Variants in GRIA3 observed in about 807,000 individuals in gnomAD.
The protein encoded by GRIA3 is glutamate receptor 3.
In GRIA3, 3 loss-of-function variants were observed where a neutral mutation model predicts 63.0. The ratio of observed to expected loss-of-function variants is 0.05; its 90% CI spans 0.02 to 0.12. The LOEUF (loss-of-function observed/expected upper bound fraction) is 0.12. Among genes scored for constraint, GRIA3 ranks in the 10% least tolerant of loss-of-function variants. The pLI, the probability that GRIA3 is intolerant of heterozygous loss-of-function variation, is 1.00. For synonymous variants in GRIA3, 274 were observed against 257.9 expected, an observed-to-expected ratio of 1.06 and a Z score of -0.60; for missense variants, 347 against 700.9, an observed-to-expected ratio of 0.50 and a Z score of 5.70.
chrX:123,364,355 T>C (rs777502311), intron 5 of GRIA3, among the ~76,000 whole-genome samples: 3 of 111,766 alleles, frequency 2.7e-5, no homozygotes, highest in Non-Finnish European at 3.8e-5. Flanking sequence ...CAATAGCCTA[T>C]GTAATCATTG....
At chrX:123,346,972 A>G (rs2045054078) in intron 4 of GRIA3, among the ~76,000 whole-genome samples, 1 of 112,343 alleles carries the variant, frequency 8.9e-6, no homozygotes, top group Admixed American at 9.4e-5. Context: ...GAGCAAAATA[A>G]AAAGCCCTGA....
At chrX:123,365,202 A>C (rs2045202570) in intron 5 of GRIA3, among the ~76,000 whole-genome samples, 1 of 112,055 alleles carries the variant, frequency 8.9e-6, no homozygotes, top group South Asian at 3.7e-4. Context: ...TCAAAACATC[A>C]CATTGTACCC....
At chrX:123,378,664 G>A (rs1209326053) in intron 5 of GRIA3, among the ~76,000 whole-genome samples, 3 of 110,822 alleles carry the variant, frequency 2.7e-5, no homozygotes, top group East Asian at 2.8e-4. Context: ...GCCCACCTCC[G>A]CCTCCCAAAG....
chrX:123,311,102 T>C (rs942901023), intron 3 of GRIA3, among the ~76,000 whole-genome samples: 13 of 111,765 alleles, frequency 1.2e-4, no homozygotes, highest in African/African-American at 3.9e-4. Flanking sequence ...AATATCATTT[T>C]ACAGATGAGG....
chrX:123,219,349 T>C (rs977657483), intron 2 of GRIA3, among the ~76,000 whole-genome samples: 1 of 112,043 alleles, frequency 8.9e-6, no homozygotes, highest in African/African-American at 3.2e-5. Flanking sequence ...TCTATAAACT[T>C]GCCTTCCTTA....
chrX:123,300,359 G>C (rs1162795611), intron 3 of GRIA3, among the ~76,000 whole-genome samples: 2 of 71,948 alleles, frequency 2.8e-5, no homozygotes, highest in Non-Finnish European at 5.2e-5. Flanking sequence ...CTGGTCCTGG[G>C]CTTTTTTTTT....
intron 12 of GRIA3, among the ~76,000 whole-genome samples, chrX:123,441,419 G>C (rs999308861): frequency 5.4e-5 from 6 of 111,521 alleles, no homozygotes; most frequent in Non-Finnish European, 9.4e-5. Context: ...AGACTGCCAA[G>C]GGTAAACTGG....
intron 2 of GRIA3, among the ~76,000 whole-genome samples, chrX:123,252,621 T>C (rs1266983969): frequency 9.0e-6 from 1 of 111,191 alleles, no homozygotes; most frequent in Non-Finnish European, 1.9e-5. Context: ...TGTGGGCTAG[T>C]GGAGTCTATA....
intron 2 of GRIA3, among the ~76,000 whole-genome samples, chrX:123,192,102 C>T (rs1402234549): frequency 1.8e-5 from 2 of 111,396 alleles, no homozygotes; most frequent in East Asian, 2.8e-4. Flanking sequence ...TAAGTACACC[C>T]GAGGCATAGG....
At position 123,249,046 on chromosome X, in the gene GRIA3, G is replaced by A. The variant is rs73549602; in HGVS notation, c.269-4257G>A. Among the ~76,000 whole-genome samples, 588 of 111,733 alleles carry A rather than the reference G, an allele frequency of 5.3e-3. 7 individuals carry two copies. Among genetic ancestry groups the A allele is most frequent in the African/African-American group, 0.018 (549 of 30,689 alleles). ...GAAGGTAAGTCACTTTCATGCAGGT[G>A]AATCCTGACCCACGCTGCAAAAGAT... On this transcript the variant is annotated intron_variant, in intron 2 of 15. Transcript: ENST00000620443.
At chrX:123,260,497 A>G (rs1390938711) in intron 3 of GRIA3, among the ~76,000 whole-genome samples, 4 of 35,362 alleles carry the variant, frequency 1.1e-4, no homozygotes, top group Non-Finnish European at 2.6e-4. Context: ...AGAAAGAAAG[A>G]AAGAAAGAAA....
At position 123,447,877 on chromosome X, in the gene GRIA3, C is replaced by G. The variant is rs1423871674; in HGVS notation, c.2077-16988C>G. ...GTACTCAATTATTCAACCCATCTCT[C>G]AGAGCTGATACAGATAACTATTTTT... On this transcript the variant is annotated intron_variant, in intron 12 of 15. Transcript: ENST00000620443. Among the ~76,000 whole-genome samples, 5 of 112,115 alleles carry G rather than the reference C, an allele frequency of 4.5e-5. No homozygotes were observed. In the Admixed American group the frequency reaches 4.7e-4, roughly 11 times the overall value.
chrX:123,321,218 T>C (rs2044865320), intron 3 of GRIA3, among the ~76,000 whole-genome samples: 1 of 112,131 alleles, frequency 8.9e-6, no homozygotes, highest in South Asian at 3.8e-4. Context: ...CCAACTTGCC[T>C]CTCTATAGAA....
chrX:123,320,596 G>A (rs1342516895), intron 3 of GRIA3, among the ~76,000 whole-genome samples: 2 of 111,554 alleles, frequency 1.8e-5, no homozygotes, highest in Admixed American at 9.5e-5. Flanking sequence ...ATCAAAAAGA[G>A]AAGAGAAAAG....
intron 2 of GRIA3, among the ~76,000 whole-genome samples, chrX:123,186,338 G>A (rs1434293135): frequency 1.8e-5 from 2 of 110,944 alleles, no homozygotes; most frequent in Non-Finnish European, 3.8e-5. Context: ...AAAATAGCAC[G>A]GTTGTTCAGA....
At chrX:123,219,275 C>T (rs756566146) in intron 2 of GRIA3, among the ~76,000 whole-genome samples, 1 of 112,522 alleles carries the variant, frequency 8.9e-6, no homozygotes, top group Admixed American at 9.4e-5. Context: ...GCACTTCTAC[C>T]TTTCTTAACT....
At chrX:123,295,114 A>G (rs1251911524) in intron 3 of GRIA3, among the ~76,000 whole-genome samples, 2 of 111,479 alleles carry the variant, frequency 1.8e-5, no homozygotes, top group Non-Finnish European at 3.8e-5. Flanking sequence ...CTGCATAGTC[A>G]CCATAAAAAT....
intron 12 of GRIA3, among the ~76,000 whole-genome samples, chrX:123,458,951 G>A (rs756713358): frequency 2.7e-5 from 3 of 111,706 alleles, no homozygotes; most frequent in South Asian, 3.7e-4. Context: ...TAATGATTCC[G>A]TAAATATGGC....
At position 123,245,921 on chromosome X, in the gene GRIA3, A is replaced by G. The variant is rs1438801421; in HGVS notation, c.269-7382A>G. Among the ~76,000 whole-genome samples the G allele has an allele frequency of 2.7e-5, 3 of 111,847 alleles. No individual in the cohort carries two copies. The Admixed American group carries it at 2.8e-4, about 11-fold the overall frequency. ...TAGCCTGACAGGAAGAAGGCAGCATAGAGAGACTACAGTGTGGCACTCAAG... is the reference window on the plus strand; with the variant it reads ...TAGCCTGACAGGAAGAAGGCAGCATGGAGAGACTACAGTGTGGCACTCAAG... On this transcript the variant is annotated intron_variant, in intron 2 of 15. Coordinates refer to ENST00000620443, the MANE Select transcript of GRIA3 (RefSeq NM_007325.5).
Sources: allele counts gnomAD v4.1 joint callset (sites outside exome capture counted in the v4.1 genomes callset), GRCh38; gene constraint gnomAD v4.1.1; transcripts MANE v1.5; gene names NCBI Gene and HGNC (gene_info 2026-07-23, HGNC 2026-07-21).